Variants in IGSF10 observed in about 807,000 individuals in gnomAD.
IGSF10 encodes the protein calvaria mechanical force protein 608.
A neutral mutation model predicts 128.2 loss-of-function variants in IGSF10; 126 were observed. The observed-to-expected ratio is 0.98, with a 90% CI of 0.85 to 1.14. The LOEUF (loss-of-function observed/expected upper bound fraction) is 1.14, where lower values mean the gene tolerates loss of function less well. IGSF10 is among the 50% of genes most tolerant of loss of function. The pLI, the probability that IGSF10 is intolerant of heterozygous loss-of-function variation, is 0.00. For missense variants in IGSF10, 3,295 were observed against 3,149.8 expected, an observed-to-expected ratio of 1.05 and a Z score of -1.10; for synonymous variants, 1,185 against 1,146.2, an observed-to-expected ratio of 1.03 and a Z score of -0.68.
chr3:151,453,085 T>G lies in IGSF10; in HGVS notation c.715+299A>C, dbSNP rs562452937. Reference sequence around the variant, plus strand: ...AGGCCAGCACCACACTATGAGGACCTGGCTTGTAGCCTAAGGAGCATGAGA... The same window carrying G: ...AGGCCAGCACCACACTATGAGGACCGGGCTTGTAGCCTAAGGAGCATGAGA... On this transcript the variant is annotated intron_variant, in intron 5 of 7. Coordinates refer to ENST00000282466, the MANE Select transcript of IGSF10 (RefSeq NM_178822.5). Among the ~76,000 whole-genome samples, 35 of 152,212 alleles carry G rather than the reference T, an allele frequency of 2.3e-4. No homozygotes were observed. The East Asian group carries it at 5.2e-3, about 23-fold the overall frequency.
chr3:151,461,083 G>A (rs1047860800), upstream of IGSF10: 13 of 985,300 alleles, frequency 1.3e-5, no homozygotes, highest in Admixed American at 1.2e-4. Flanking sequence ...GAGGGCGGGG[G>A]ATGAGCCCGA....
chr3:151,582,296 G>GGC, the IGSF10 span, among the ~76,000 whole-genome samples: 11 of 112,392 alleles, frequency 9.8e-5, 1 homozygote, highest in Non-Finnish European at 1.6e-4. Flanking sequence ...AATATCCGGG[G>GGC]GGGGGGGCGG....
At chr3:151,495,176 A>G in the IGSF10 span, among the ~76,000 whole-genome samples, 1 of 152,238 alleles carries the variant, frequency 6.6e-6, no homozygotes, top group African/African-American at 2.4e-5. Flanking sequence ...TTTTGAGCAA[A>G]ACTTTTTCTC....
At chr3:151,538,646 C>A in the IGSF10 span, among the ~76,000 whole-genome samples, 4 of 152,130 alleles carry the variant, frequency 2.6e-5, no homozygotes, top group Non-Finnish European at 5.9e-5. Context: ...TGACATCAGA[C>A]CCCGAGCAGA....
chr3:151,609,690 A>G, the IGSF10 span, among the ~76,000 whole-genome samples: 1 of 152,222 alleles, frequency 6.6e-6, no homozygotes, highest in Non-Finnish European at 1.5e-5. Flanking sequence ...TCTTTGCAGC[A>G]ACATGAATGC....
chr3:151,575,685 G>A, the IGSF10 span, among the ~76,000 whole-genome samples: 1 of 152,322 alleles, frequency 6.6e-6, no homozygotes, highest in South Asian at 2.1e-4. Flanking sequence ...CTTCCTGGGT[G>A]AGGCGATGCC....
the IGSF10 span, among the ~76,000 whole-genome samples, chr3:151,495,817 T>A: frequency 6.6e-6 from 1 of 152,134 alleles, no homozygotes; most frequent in South Asian, 2.1e-4. Flanking sequence ...GTGAACTATT[T>A]AGACACAATC....
the IGSF10 span, among the ~76,000 whole-genome samples, chr3:151,579,454 A>G: frequency 1.3e-5 from 2 of 152,192 alleles, no homozygotes; most frequent in Non-Finnish European, 2.9e-5. Context: ...CTAGTGTAAA[A>G]GGTGGATAAC....
chr3:151,475,604 G>T, the IGSF10 span, among the ~76,000 whole-genome samples: 2 of 152,184 alleles, frequency 1.3e-5, no homozygotes, highest in Non-Finnish European at 2.9e-5. Context: ...CTTGTAACCA[G>T]TCCAGCTGTT....
At chr3:151,492,302 C>T in the IGSF10 span, among the ~76,000 whole-genome samples, 2 of 151,988 alleles carry the variant, frequency 1.3e-5, no homozygotes, top group Non-Finnish European at 2.9e-5. Flanking sequence ...AATTAAAACC[C>T]CTGTGTCATC....
At chr3:151,560,261 C>A in the IGSF10 span, among the ~76,000 whole-genome samples, 1 of 152,014 alleles carries the variant, frequency 6.6e-6, no homozygotes, top group Non-Finnish European at 1.5e-5. Flanking sequence ...CCTATGACAA[C>A]TTTTATCACC....
chr3:151,433,037 A>G (rs754678911), downstream of IGSF10: 11 of 477,754 alleles, frequency 2.3e-5, no homozygotes, highest in Middle Eastern at 5.6e-4. Context: ...AATGTGAATC[A>G]TGCAGGCAGG....
the IGSF10 span, among the ~76,000 whole-genome samples, chr3:151,513,930 C>T: frequency 1.3e-5 from 2 of 152,154 alleles, no homozygotes; most frequent in African/African-American, 2.4e-5. Context: ...TGAAGGACCT[C>T]TTCAAGGAGA....
At chr3:151,502,985 A>T in the IGSF10 span, among the ~76,000 whole-genome samples, 2 of 151,864 alleles carry the variant, frequency 1.3e-5, no homozygotes, top group African/African-American at 2.4e-5. Context: ...AATAGCAAAA[A>T]CTCTCTCCAA....
At chr3:151,580,310 C>G in the IGSF10 span, among the ~76,000 whole-genome samples, 11 of 152,050 alleles carry the variant, frequency 7.2e-5, no homozygotes, top group Non-Finnish European at 1.6e-4. Context: ...TATCAGCCAA[C>G]TTTCACTATA....
At chr3:151,551,001 A>G in the IGSF10 span, among the ~76,000 whole-genome samples, 4 of 152,118 alleles carry the variant, frequency 2.6e-5, no homozygotes, top group African/African-American at 7.2e-5. Context: ...TACCTGGGCC[A>G]GTCCTGCTAA....
the IGSF10 span, among the ~76,000 whole-genome samples, chr3:151,594,489 A>C: frequency 1.3e-5 from 2 of 151,380 alleles, no homozygotes; most frequent in Non-Finnish European, 2.9e-5. Flanking sequence ...ACCCGCCACC[A>C]CGCCCAGCTA....
At chr3:151,500,507 C>T in the IGSF10 span, among the ~76,000 whole-genome samples, 1 of 152,054 alleles carries the variant, frequency 6.6e-6, no homozygotes, top group African/African-American at 2.4e-5. Context: ...ATATATGGCT[C>T]AATAATAGAA....
chr3:151,527,029 T>C, the IGSF10 span, among the ~76,000 whole-genome samples: 1 of 152,210 alleles, frequency 6.6e-6, no homozygotes, highest in Non-Finnish European at 1.5e-5. Flanking sequence ...ACCTAAACCC[T>C]GTACAGATCT....
Sources: allele counts gnomAD v4.1 joint callset (sites outside exome capture counted in the v4.1 genomes callset), GRCh38; gene constraint gnomAD v4.1.1; transcripts MANE v1.5; gene names NCBI Gene and HGNC (gene_info 2026-07-23, HGNC 2026-07-21).